Variants in CMSS1 observed in about 807,000 individuals in gnomAD.
CMSS1 encodes the protein cms1 ribosomal small subunit homolog, also known as protein CMSS1.
Under a neutral mutation model 43.5 loss-of-function variants are expected in CMSS1, and 33 were observed. The observed-to-expected ratio is 0.76, with a 90% CI of 0.57 to 1.01. The LOEUF (loss-of-function observed/expected upper bound fraction) is 1.01. CMSS1 is among the 50% of genes least tolerant of loss of function. The pLI is 0.00. For synonymous variants in CMSS1, 115 were observed against 117.2 expected, an observed-to-expected ratio of 0.98 and a Z score of 0.12; for missense variants, 313 against 326.4, an observed-to-expected ratio of 0.96 and a Z score of 0.32.
At chr3:99,860,080 T>C (rs138671932) in intron 1 of CMSS1, among the ~76,000 whole-genome samples, 1 of 152,360 alleles carries the variant, frequency 6.6e-6, no homozygotes, top group East Asian at 1.9e-4. Flanking sequence ...GTCTGCTTTA[T>C]GTCCTTGTTA....
At chr3:100,131,831 G>A (rs1401266179) in intron 1 of CMSS1, among the ~76,000 whole-genome samples, 7 of 152,128 alleles carry the variant, frequency 4.6e-5, no homozygotes, top group African/African-American at 1.4e-4. Context: ...AGAAAGTGAG[G>A]AAAGGAAGAA....
intron 1 of CMSS1, among the ~76,000 whole-genome samples, chr3:100,144,371 G>C (rs1185557934): frequency 6.6e-6 from 1 of 152,218 alleles, no homozygotes; most frequent in Non-Finnish European, 1.5e-5. Flanking sequence ...GGATAGGAAA[G>C]ATATACTTCA....
intron 1 of CMSS1, among the ~76,000 whole-genome samples, chr3:99,988,287 G>A (rs925307986): frequency 3.3e-5 from 5 of 149,732 alleles, no homozygotes; most frequent in African/African-American, 1.2e-4. Context: ...CACGAGGTTG[G>A]GAGATGGAGA....
intron 1 of CMSS1, chr3:99,850,014 T>A: frequency 6.2e-7 from 1 of 1,607,822 alleles, no homozygotes. Flanking sequence ...ACATCTTTTC[T>A]TCTACATCGG....
chr3:99,932,444 A>G (rs894977168), intron 1 of CMSS1, among the ~76,000 whole-genome samples: 1 of 152,094 alleles, frequency 6.6e-6, no homozygotes, highest in Non-Finnish European at 1.5e-5. Flanking sequence ...ATTTCATTAT[A>G]TAGTCCATCA....
intron 1 of CMSS1, chr3:100,040,628 A>T (rs1381541686): frequency 6.6e-6 from 1 of 152,214 alleles, no homozygotes; most frequent in Non-Finnish European, 1.5e-5. Flanking sequence ...AGCCTTTAGG[A>T]CGGTCTTGGT....
intron 1 of CMSS1, among the ~76,000 whole-genome samples, chr3:100,126,737 G>T (rs1336347296): frequency 1.3e-5 from 2 of 152,198 alleles, no homozygotes; most frequent in Admixed American, 6.5e-5. Flanking sequence ...GGTGGCTCAT[G>T]CCTGTAATCC....
intron 1 of CMSS1, chr3:100,041,184 C>T (rs1007898973): frequency 5.3e-5 from 8 of 152,080 alleles, no homozygotes; most frequent in Non-Finnish European, 1.0e-4. Flanking sequence ...GCCTGCCCCA[C>T]CCTAAATCAC....
chr3:99,823,265 A>G (rs1942474455), intron 1 of CMSS1, among the ~76,000 whole-genome samples: 1 of 152,188 alleles, frequency 6.6e-6, no homozygotes, highest in Admixed American at 6.6e-5. Context: ...AGTAACTCAA[A>G]CCTGATCCTG....
intron 1 of CMSS1, among the ~76,000 whole-genome samples, chr3:99,897,312 G>A (rs566200908): frequency 1.3e-5 from 2 of 152,102 alleles, no homozygotes; most frequent in African/African-American, 4.8e-5. Flanking sequence ...GAGGTTGCAG[G>A]GAGCCGAGAT....
intron 1 of CMSS1, among the ~76,000 whole-genome samples, chr3:99,931,977 G>C (rs1033609818): frequency 4.6e-5 from 7 of 152,124 alleles, no homozygotes; most frequent in Non-Finnish European, 7.4e-5. Flanking sequence ...ATCATCGCCA[G>C]TACCTTACTT....
intron 1 of CMSS1, among the ~76,000 whole-genome samples, chr3:100,043,628 A>T (rs951208260): frequency 4.4e-4 from 67 of 152,172 alleles, no homozygotes; most frequent in Non-Finnish European, 1.0e-4. Flanking sequence ...AGAAATTTAC[A>T]TCCCTGGAAG....
intron 1 of CMSS1, among the ~76,000 whole-genome samples, chr3:99,979,402 T>C (rs1450473065): frequency 6.6e-6 from 1 of 152,226 alleles, no homozygotes; most frequent in Non-Finnish European, 1.5e-5. Flanking sequence ...AGAATGATTC[T>C]AAAGATGTTA....
intron 1 of CMSS1, among the ~76,000 whole-genome samples, chr3:99,852,478 A>T (rs1943746468): frequency 6.6e-6 from 1 of 151,804 alleles, no homozygotes; most frequent in Non-Finnish European, 1.5e-5. Flanking sequence ...ATTGAGTCTC[A>T]CTCTGTCGCC....
chr3:99,921,524 G>C (rs113730975), intron 1 of CMSS1, among the ~76,000 whole-genome samples: 3 of 152,158 alleles, frequency 2.0e-5, no homozygotes, highest in Non-Finnish European at 4.4e-5. Flanking sequence ...CAAGGGAGTT[G>C]AGAATAGGTT....
At chr3:100,136,267 G>A (rs981641256) in intron 1 of CMSS1, among the ~76,000 whole-genome samples, 1 of 152,082 alleles carries the variant, frequency 6.6e-6, no homozygotes, top group African/African-American at 2.4e-5. Context: ...AAAGCAAAAA[G>A]GAAGAGATGA....
rs148206851 is a variant in CMSS1, at chr3:99,944,385, G to A, written c.64+126342G>A. On this transcript the variant is annotated intron_variant, in intron 1 of 9. Transcript: ENST00000421999. ...AGCTGTTCCAAAAAAGATGACAAAG[G>A]CTGCTGATTCAGAGGGGGATACTCA... Among the ~76,000 whole-genome samples, 267 of 152,260 alleles carry A rather than the reference G, an allele frequency of 1.8e-3. 3 individuals are homozygous for A. The highest frequency in any genetic ancestry group is 6.8e-3 in the Middle Eastern group (2 of 294).
intron 1 of CMSS1, among the ~76,000 whole-genome samples, chr3:99,899,975 A>G (rs1409547914): frequency 6.6e-6 from 1 of 152,188 alleles, no homozygotes; most frequent in Non-Finnish European, 1.5e-5. Context: ...GTTCTACTGG[A>G]TCTTTGAAAT....
At chr3:100,173,087 A>G (rs983257461) in intron 8 of CMSS1, among the ~76,000 whole-genome samples, 2 of 152,130 alleles carry the variant, frequency 1.3e-5, no homozygotes, top group Non-Finnish European at 2.9e-5. Context: ...AGATTATTTT[A>G]TATATCTAAA....
Sources: allele counts gnomAD v4.1 joint callset (sites outside exome capture counted in the v4.1 genomes callset), GRCh38; gene constraint gnomAD v4.1.1; transcripts MANE v1.5; gene names NCBI Gene and HGNC (gene_info 2026-07-23, HGNC 2026-07-21).